Variants in PPFIBP2 observed in about 807,000 individuals in gnomAD.
The protein encoded by PPFIBP2 is PPFIB scaffold protein 2.
A neutral mutation model predicts 118.3 loss-of-function variants in PPFIBP2; 118 were observed. That is an observed-to-expected ratio of 1.00 (90% CI 0.86 to 1.16). The LOEUF (loss-of-function observed/expected upper bound fraction) is 1.16. Ranked by LOEUF, PPFIBP2 falls within the 50% of genes most tolerant of loss-of-function variation. The pLI, the probability that PPFIBP2 is intolerant of heterozygous loss-of-function variation, is 0.00. For synonymous variants in PPFIBP2, 414 were observed against 397.4 expected, an observed-to-expected ratio of 1.04 and a Z score of -0.50; for missense variants, 1,195 against 1,073.1, an observed-to-expected ratio of 1.11 and a Z score of -1.59.
Position 7,533,042 on chromosome 11 carries a change from TG to T in PPFIBP2, c.-36-16397del, listed in dbSNP as rs200583093. Among the ~76,000 whole-genome samples the T allele has an allele frequency of 6.4e-3, 967 of 150,330 alleles. 11 individuals are homozygous for T. The highest frequency in any genetic ancestry group is 0.022 in the African/African-American group (886 of 40,934). On this transcript the variant is annotated intron_variant, in intron 1 of 23. Coordinates refer to ENST00000299492, the MANE Select transcript of PPFIBP2 (RefSeq NM_003621.5). ...TTACCAATTCATATCTGTTTTTTTT[TG>T]TTGTTGTTGCTTAGCATTCTAAAAT... is the stretch of plus-strand genomic sequence containing the variant.
At chr11:7,656,682 G>C (rs1409317008), downstream of PPFIBP2, 1 of 1,282,460 alleles carries the variant, frequency 7.8e-7, no homozygotes, top group East Asian at 5.6e-5. Flanking sequence ...GGGCAGCCTG[G>C]ACCAAAACTC....
At chr11:7,622,277 C>T (rs1243213133) in intron 7 of PPFIBP2, among the ~76,000 whole-genome samples, 2 of 152,140 alleles carry the variant, frequency 1.3e-5, no homozygotes, top group African/African-American at 2.4e-5. Flanking sequence ...CTCACAGTTG[C>T]GAGGACAGCA....
chr11:7,610,955 T>C (rs1353581509), intron 6 of PPFIBP2, among the ~76,000 whole-genome samples: 1 of 152,252 alleles, frequency 6.6e-6, no homozygotes, highest in Admixed American at 6.5e-5. Flanking sequence ...AGTCTTTGTA[T>C]GCCATTGGCT....
chr11:7,651,855 G>T lies in PPFIBP2; in HGVS notation c.2436+11G>T. 6.2e-7 allele frequency: 1 copy of T among 1,602,722 alleles called. No homozygotes were observed. ...ACAGCCAAAGTCCGGGTGAGTTGCA[G>T]AGCCTTTCTGGGTGGGCCCTGGGCT... On this transcript the variant is annotated intron_variant, in intron 23 of 23. Coordinates refer to ENST00000299492, the MANE Select transcript of PPFIBP2 (RefSeq NM_003621.5).
At chr11:7,515,297 T>C (rs1849137647) in intron 1 of PPFIBP2, among the ~76,000 whole-genome samples, 1 of 152,236 alleles carries the variant, frequency 6.6e-6, no homozygotes, top group South Asian at 2.1e-4. Context: ...TTATTAGTAA[T>C]ACTATTTTAA....
At chr11:7,664,819 G>C in the PPFIBP2 span, among the ~76,000 whole-genome samples, 123 of 103,488 alleles carry the variant, frequency 1.2e-3, no homozygotes, top group Non-Finnish European at 1.4e-3. Flanking sequence ...CCCCCACCCC[G>C]ACAGACCCTC....
At chr11:7,557,118 T>G (rs1441967087) in intron 2 of PPFIBP2, among the ~76,000 whole-genome samples, 1 of 152,208 alleles carries the variant, frequency 6.6e-6, no homozygotes, top group Non-Finnish European at 1.5e-5. Context: ...ACTCCTCTTT[T>G]ATATTTTTCA....
At chr11:7,537,902 A>G (rs1309748807) in intron 1 of PPFIBP2, among the ~76,000 whole-genome samples, 1 of 152,186 alleles carries the variant, frequency 6.6e-6, no homozygotes, top group Admixed American at 6.5e-5. Flanking sequence ...ATTCTCTGAC[A>G]GACCTGGCAT....
downstream of PPFIBP2, among the ~76,000 whole-genome samples, chr11:7,661,303 C>T (rs1441793089): frequency 6.7e-6 from 1 of 149,046 alleles, no homozygotes; most frequent in African/African-American, 2.5e-5. Flanking sequence ...AAATTTCCCT[C>T]TACACACTGC....
intron 1 of PPFIBP2, among the ~76,000 whole-genome samples, chr11:7,523,568 A>G (rs189793868): frequency 2.0e-5 from 3 of 152,240 alleles, no homozygotes; most frequent in Admixed American, 1.3e-4. Context: ...CTGCTCACCC[A>G]TGGTAAAGTG....
At chr11:7,650,121 A>G (rs544991652) in intron 21 of PPFIBP2, among the ~76,000 whole-genome samples, 10 of 152,282 alleles carry the variant, frequency 6.6e-5, no homozygotes, top group Admixed American at 1.3e-4. Context: ...TTGCTAGAGA[A>G]GAAATAGTAT....
At chr11:7,592,047 C>G (rs941056394) in intron 3 of PPFIBP2, among the ~76,000 whole-genome samples, 1 of 152,226 alleles carries the variant, frequency 6.6e-6, no homozygotes, top group Non-Finnish European at 1.5e-5. Context: ...TTAAGACTTT[C>G]CTCTAGGGTG....
At chr11:7,614,940 C>T (rs1014766936) in intron 6 of PPFIBP2, among the ~76,000 whole-genome samples, 8 of 152,134 alleles carry the variant, frequency 5.3e-5, no homozygotes, top group African/African-American at 1.4e-4. Context: ...GCCACCTAGA[C>T]ATCATGATGT....
the PPFIBP2 span, chr11:7,665,336 G>A: frequency 6.9e-7 from 1 of 1,456,476 alleles, no homozygotes; most frequent in Admixed American, 2.6e-5. Context: ...TGAAACAGAT[G>A]AAAAGGGACA....
intron 4 of PPFIBP2, among the ~76,000 whole-genome samples, chr11:7,594,266 C>T (rs1476159950): frequency 7.2e-6 from 1 of 137,950 alleles, no homozygotes; most frequent in African/African-American, 2.5e-5. Context: ...GCCTTTTTTC[C>T]AGTGTTGTTG....
chr11:7,558,258 G>A (rs1469029531), intron 2 of PPFIBP2, among the ~76,000 whole-genome samples: 3 of 152,236 alleles, frequency 2.0e-5, no homozygotes, highest in African/African-American at 7.2e-5. Context: ...GAAGAGATAT[G>A]AGGAATTGTG....
At position 7,653,632 on chromosome 11, in the gene PPFIBP2, G is replaced by T. The variant is rs544297915; in HGVS notation, c.*414G>T. The T allele has an allele frequency of 4.6e-6, 6 of 1,294,512 alleles. No homozygotes were observed. The South Asian group carries it at 6.2e-5, about 13-fold the overall frequency. 80.2% of individuals were successfully genotyped at this position (1,294,512 alleles called of 1,614,324 possible). On this transcript the variant is annotated 3_prime_UTR_variant, in exon 24 of 24. Transcript: ENST00000299492. ...AAGTGCCTTAGGCCCGTGGACCACA[G>T]TCTTGGCTGAGATCAAAGGGATGAG...
At chr11:7,610,557 C>A (rs760807745) in intron 6 of PPFIBP2, 135 bp downstream of exon 6, 202 of 1,213,164 alleles carry the variant, frequency 1.7e-4, no homozygotes, top group Non-Finnish European at 2.1e-4. Flanking sequence ...ATGCAGTGAT[C>A]TGTTAATACC....
chr11:7,605,879 C>T (rs953573942), intron 5 of PPFIBP2: 1 of 1,489,038 alleles, frequency 6.7e-7, no homozygotes. Context: ...GGTGACTGTG[C>T]TACTGAGAAG....
Sources: allele counts gnomAD v4.1 joint callset (sites outside exome capture counted in the v4.1 genomes callset), GRCh38; gene constraint gnomAD v4.1.1; transcripts MANE v1.5; gene names NCBI Gene and HGNC (gene_info 2026-07-23, HGNC 2026-07-21).